PHACTR1: variants seen among roughly 807,000 people sequenced by gnomAD.
The protein encoded by PHACTR1 is RPEL repeat containing 1.
Under a neutral mutation model 69.2 loss-of-function variants are expected in PHACTR1, and 16 were observed. The ratio of observed to expected loss-of-function variants is 0.23; its 90% CI spans 0.16 to 0.35. The LOEUF (loss-of-function observed/expected upper bound fraction) is 0.35, where lower values mean the gene tolerates loss of function less well. PHACTR1 is among the 10% of genes least tolerant of loss of function. The pLI, the probability that PHACTR1 is intolerant of heterozygous loss-of-function variation, is 1.00. For missense variants in PHACTR1, 510 were observed against 734.7 expected, an observed-to-expected ratio of 0.69 and a Z score of 3.54; for synonymous variants, 312 against 284.5, an observed-to-expected ratio of 1.10 and a Z score of -0.97.
chr6:12,912,947 C>T (rs1328675172), intron 4 of PHACTR1, among the ~76,000 whole-genome samples: 2 of 152,110 alleles, frequency 1.3e-5, no homozygotes, highest in Non-Finnish European at 1.5e-5. Flanking sequence ...GGAATGAGAC[C>T]CTGTCTCAAA....
At chr6:12,719,747 T>G (rs1761865928) in intron 3 of PHACTR1, among the ~76,000 whole-genome samples, 1 of 152,202 alleles carries the variant, frequency 6.6e-6, no homozygotes, top group Non-Finnish European at 1.5e-5. Context: ...ATGGGAACTT[T>G]ACACACGCCA....
intron 4 of PHACTR1, among the ~76,000 whole-genome samples, chr6:12,880,812 G>A (rs1487551724): frequency 6.6e-6 from 1 of 152,180 alleles, no homozygotes; most frequent in Non-Finnish European, 1.5e-5. Context: ...ATAGGTAAAA[G>A]CAAATTGATT....
intron 8 of PHACTR1, among the ~76,000 whole-genome samples, chr6:13,209,857 A>G (rs59467458): frequency 0.027 from 4,136 of 152,290 alleles, 161 homozygotes; most frequent in East Asian, 0.096. Context: ...CTTATTTCTA[A>G]TCTTCCTTTC....
At chr6:12,957,370 C>T in intron 4 of PHACTR1, 1 of 985,278 alleles carries the variant, frequency 1.0e-6, no homozygotes, top group Non-Finnish European at 1.2e-6. Flanking sequence ...CAGAAGACTC[C>T]CAGAGATTGG....
rs1012896863 is a variant in PHACTR1 at position 12,944,851 on chromosome 6, C to T, written c.251-108514C>T. On this transcript the variant is annotated intron_variant, in intron 4 of 14. Coordinates refer to ENST00000332995, the MANE Select transcript of PHACTR1 (RefSeq NM_030948.6). ...AGGCTGGAATGCAGTGGCGCGATCTCGGCTCACTGCGAGCTCCGCCTCCCG... is the reference window on the plus strand; with the variant it reads ...AGGCTGGAATGCAGTGGCGCGATCTTGGCTCACTGCGAGCTCCGCCTCCCG... 1.3e-4 allele frequency among the ~76,000 whole-genome samples: 20 copies of T among 151,348 alleles called. 1 individual carries two copies. The East Asian group carries it at 2.3e-3, about 18-fold the overall frequency.
chr6:13,253,181 T>G lies in PHACTR1; in HGVS notation c.1392-19679T>G, dbSNP rs74802789. 1,929 of 304,034 alleles carry G rather than the reference T, an allele frequency of 6.3e-3. 89 individuals are homozygous for G. In the East Asian group the frequency reaches 0.11, roughly 18 times the overall value. The allele number at this position is 304,034 out of a possible 1,614,324, so 18.8% of individuals were successfully genotyped here. A position where few individuals can be genotyped will look rare whatever the true frequency, so the allele number is the denominator to read the frequency against. On this transcript the variant is annotated intron_variant, in intron 10 of 14. Transcript: ENST00000332995. ...GCCCCAAAATGAGAGATTGGCCCTT[T>G]GCGGGTGACATTTAAAACACATGAG...
At chr6:13,122,804 C>T (rs186809911) in intron 5 of PHACTR1, among the ~76,000 whole-genome samples, 1 of 152,320 alleles carries the variant, frequency 6.6e-6, no homozygotes, top group East Asian at 1.9e-4. Context: ...GCCTGATGCT[C>T]TCAGCATGAG....
intron 4 of PHACTR1, among the ~76,000 whole-genome samples, chr6:12,814,377 C>T (rs1775345986): frequency 6.6e-6 from 1 of 152,208 alleles, no homozygotes; most frequent in African/African-American, 2.4e-5. Flanking sequence ...TAAACAAAGA[C>T]ATTTATGAAA....
rs747270445 is a variant in PHACTR1, at chr6:13,283,487, C to T, written c.1575C>T (p.Tyr525=). 79 of 1,613,814 alleles carry T rather than the reference C, an allele frequency of 4.9e-5. No homozygotes were observed. Among genetic ancestry groups the T allele is most frequent in the Middle Eastern group, 3.3e-4 (2 of 6,082 alleles). Residue 525 remains tyrosine (Y), a synonymous_variant, in exon 13 of 15, where the codon TAC becomes TAT. Coordinates refer to ENST00000332995, the MANE Select transcript of PHACTR1 (RefSeq NM_030948.6). The surrounding 1 kb of genome is among the most constrained non-coding windows in gnomAD (Gnocchi z 4.7). ...ERKILIRFSD[Y]VEVADAQDYD... is the part of the protein sequence containing the mutation. ...AGATCCTCATCCGCTTCAGTGACTA[C>T]GTGGAGGTGGCTGACGCTCAGGACT...
intron 7 of PHACTR1, among the ~76,000 whole-genome samples, chr6:13,183,849 G>T (rs1455125858): frequency 6.6e-6 from 1 of 152,172 alleles, no homozygotes; most frequent in Non-Finnish European, 1.5e-5. Context: ...GAATCACAGA[G>T]TTTCAATCTG....
At chr6:12,738,609 T>C (rs1764625761) in intron 3 of PHACTR1, among the ~76,000 whole-genome samples, 1 of 152,174 alleles carries the variant, frequency 6.6e-6, no homozygotes, top group African/African-American at 2.4e-5. Flanking sequence ...ACTCCTGTAA[T>C]CCTAGCACTT....
intron 4 of PHACTR1, among the ~76,000 whole-genome samples, chr6:12,831,647 A>G (rs541981393): frequency 6.6e-6 from 1 of 152,150 alleles, no homozygotes; most frequent in Admixed American, 6.5e-5. Context: ...TCTATGTTTC[A>G]TCAGATTCCT....
intron 4 of PHACTR1, among the ~76,000 whole-genome samples, chr6:12,797,748 C>T (rs773724492): frequency 9.2e-5 from 14 of 152,130 alleles, no homozygotes; most frequent in Admixed American, 2.0e-4. Context: ...TGTCTGTCAA[C>T]GCATCAAGCT....
intron 4 of PHACTR1, among the ~76,000 whole-genome samples, chr6:12,814,222 C>T (rs558904363): frequency 7.2e-5 from 11 of 152,250 alleles, no homozygotes; most frequent in African/African-American, 2.6e-4. Context: ...TCTTGCTGCC[C>T]TGTGTTGATA....
intron 9 of PHACTR1, among the ~76,000 whole-genome samples, chr6:13,229,791 C>G (rs760888401): frequency 7.9e-5 from 12 of 152,358 alleles, no homozygotes; most frequent in African/African-American, 1.2e-4. Context: ...TGCCTGCGTG[C>G]TAGACATTCC....
chr6:13,267,706 T>C (rs202070), intron 10 of PHACTR1: 111,719 of 152,056 alleles, frequency 0.73, 42,973 homozygotes, highest in Non-Finnish European at 0.86. Context: ...GTCTGGCCCT[T>C]CATGTGGCCC....
chr6:13,244,146 G>A (rs980602271), intron 10 of PHACTR1, among the ~76,000 whole-genome samples: 50 of 152,190 alleles, frequency 3.3e-4, no homozygotes, highest in African/African-American at 9.2e-4. Flanking sequence ...GACATCACAC[G>A]TTGGTAGGAT....
At chr6:13,134,656 G>A (rs183971227) in intron 5 of PHACTR1, among the ~76,000 whole-genome samples, 1,597 of 152,046 alleles carry the variant, frequency 0.011, 15 homozygotes, top group Non-Finnish European at 0.016. Flanking sequence ...AAACACTGGG[G>A]AAGGCCGCAG....
At chr6:13,017,709 C>T (rs1016862884) in intron 4 of PHACTR1, among the ~76,000 whole-genome samples, 1 of 151,822 alleles carries the variant, frequency 6.6e-6, no homozygotes, top group African/African-American at 2.4e-5. Flanking sequence ...CCTTTTGAGT[C>T]CATTAATAGT....
Sources: gnomAD v4.1 joint callset for allele counts (sites outside exome capture counted in the v4.1 genomes callset) on GRCh38, gnomAD v4.1.1 for gene constraint, Gnocchi (gnomAD v3.1) non-coding constraint, MANE v1.5 for transcripts, NCBI Gene and HGNC (gene_info 2026-07-23, HGNC 2026-07-21) for gene names.